ITSN2: variants seen among roughly 807,000 people sequenced by gnomAD.
The protein encoded by ITSN2 is intersectin 2.
Under a neutral mutation model 243.7 loss-of-function variants are expected in ITSN2, and 156 were observed. That is an observed-to-expected ratio of 0.64 (90% confidence interval 0.56 to 0.73). ITSN2 has a LOEUF of 0.73. Among genes scored for constraint, ITSN2 ranks in the 30% least tolerant of loss-of-function variants. The pLI is 0.00. For synonymous variants in ITSN2, 703 were observed against 699.9 expected, an observed-to-expected ratio of 1.00 and a Z score of -0.07; for missense variants, 1,801 against 1,996.1, an observed-to-expected ratio of 0.90 and a Z score of 1.86.
chr2:24,248,748 T>C lies in ITSN2; in HGVS notation c.3169A>G (p.Ile1057Val). 6.2e-7 allele frequency: 1 copy of C among 1,613,256 alleles called. No individual in the cohort carries two copies. The highest frequency in any genetic ancestry group is 1.1e-5 in the South Asian group (1 of 90,942). ...KSGASNKKPE[I>V]AQVTSAYVAS... ...ACATATGCTGAAGTTACCTGAGCAA[T>C]CTCTGAAAAGACAAAGAAGAAACTA... The change falls in exon 27 of 40, where the codon ATT becomes GTT. Residue 1057 changes from isoleucine (I) to valine (V), a missense_variant and splice_region_variant. Ile to Val is a conservative substitution (Grantham distance 29). Coordinates refer to ENST00000355123, the MANE Select transcript of ITSN2 (RefSeq NM_006277.3).
chr2:24,346,118 A>G (rs1297832480), intron 1 of ITSN2, among the ~76,000 whole-genome samples: 2 of 152,170 alleles, frequency 1.3e-5, no homozygotes, highest in African/African-American at 2.4e-5. Flanking sequence ...CCAGCCCACA[A>G]AGATGGAAAG....
chr2:24,239,435 C>T (rs1672498982), intron 29 of ITSN2: 1 of 151,838 alleles, frequency 6.6e-6, no homozygotes, highest in East Asian at 1.9e-4. Context: ...TTTAGAGAAA[C>T]TATATTATGG....
chr2:24,288,662 T>A (rs1679846150), intron 15 of ITSN2, among the ~76,000 whole-genome samples: 1 of 152,188 alleles, frequency 6.6e-6, no homozygotes, highest in Admixed American at 6.5e-5. Flanking sequence ...ATACTTACCA[T>A]TTTTGTGGTG....
Position 24,271,357 on chromosome 2 carries a change from G to T in ITSN2, c.2257+409C>A, listed in dbSNP as rs531107408. Among the ~76,000 whole-genome samples, 74 of 151,890 alleles carry T rather than the reference G, an allele frequency of 4.9e-4. 1 individual carries two copies. The highest frequency in any genetic ancestry group is 5.9e-4 in the Non-Finnish European group (40 of 67,970). On this transcript the variant is annotated intron_variant, in intron 19 of 39. Transcript: ENST00000355123. ...CTGTATCATTAATAATGATTCAAAG[G>T]GTTCATGTATCTAAAAGAGATACAA...
At chr2:24,345,259 T>TC (rs1214650460) in intron 1 of ITSN2, among the ~76,000 whole-genome samples, 5 of 152,140 alleles carry the variant, frequency 3.3e-5, no homozygotes, top group Admixed American at 1.3e-4. Flanking sequence ...CAGCCTTTTT[T>TC]CCCCTATGTT....
At chr2:24,284,251 G>A (rs929191155) in intron 17 of ITSN2, among the ~76,000 whole-genome samples, 1 of 152,156 alleles carries the variant, frequency 6.6e-6, no homozygotes, top group Non-Finnish European at 1.5e-5. Flanking sequence ...GTCTAAATAT[G>A]AGCCTGGTAA....
chr2:24,261,151 G>A lies in ITSN2; in HGVS notation c.2637C>T (p.Phe879=), dbSNP rs964913557. 4 of 1,613,848 alleles carry A rather than the reference G, an allele frequency of 2.5e-6. No individual in the cohort carries two copies. Among genetic ancestry groups the A allele is most frequent in the African/African-American group, 1.3e-5 (1 of 75,042 alleles). ...VNTSWQKKSA[F]TRTVSPGSVS... ...CAGATCCAGGGGACACAGTTCGAGT[G>A]AAGGCTGATTTTTTCTGCCATGATG... Residue 879 remains phenylalanine, a synonymous_variant, in exon 22 of 40, where the codon TTC becomes TTT. Coordinates refer to ENST00000355123, the MANE Select transcript of ITSN2 (RefSeq NM_006277.3).
At chr2:24,206,060 A>G (rs114670979) in intron 37 of ITSN2, among the ~76,000 whole-genome samples, 96 of 152,334 alleles carry the variant, frequency 6.3e-4, no homozygotes, top group African/African-American at 2.1e-3. Flanking sequence ...CGCACGGACG[A>G]TGCACAGCAA....
chr2:24,298,587 C>T (rs1338558832), intron 13 of ITSN2, 78 bp downstream of exon 13: 26 of 1,378,854 alleles, frequency 1.9e-5, no homozygotes, highest in Middle Eastern at 2.0e-4. Flanking sequence ...TGAGCCACCA[C>T]GCCTGGCCCA....
rs146682285 is a variant in ITSN2 at position 24,267,052 on chromosome 2, G to C, written c.2355+3619C>G. On this transcript the variant is annotated intron_variant, in intron 20 of 39. Coordinates refer to ENST00000355123, the MANE Select transcript of ITSN2 (RefSeq NM_006277.3). ...CCAAAGTATTTCAATGCTGCAAAAT[G>C]CTCAGCATTGTACCTGATTTAAATG... Among the ~76,000 whole-genome samples the C allele has an allele frequency of 1.9e-3, 295 of 152,264 alleles. 4 individuals are homozygous for C. The highest frequency in any genetic ancestry group is 0.014 in the Admixed American group (219 of 15,280).
intron 2 of ITSN2, chr2:24,326,747 C>T (rs1318709331): frequency 5.9e-6 from 1 of 169,000 alleles, no homozygotes; most frequent in Non-Finnish European, 1.5e-5. Flanking sequence ...GACACATGAC[C>T]TCACCACACA....
chr2:24,359,446 C>A (rs1022821895), intron 1 of ITSN2, among the ~76,000 whole-genome samples: 1 of 152,114 alleles, frequency 6.6e-6, no homozygotes, highest in African/African-American at 2.4e-5. Context: ...GGGTTGGCTC[C>A]ATCAAAAAAT....
chr2:24,206,150 C>T (rs1432532684), intron 37 of ITSN2: 6 of 327,024 alleles, frequency 1.8e-5, no homozygotes, highest in South Asian at 5.1e-5. Flanking sequence ...AGATCATATG[C>T]GTTATGAAAT....
At chr2:24,298,842 T>C in intron 12 of ITSN2, 28 bp from the exon 13 acceptor site, 1 of 1,569,230 alleles carries the variant, frequency 6.4e-7, no homozygotes, top group Non-Finnish European at 8.6e-7. Flanking sequence ...TTATACTTAA[T>C]TTTTAAATCA....
chr2:24,320,361 T>C (rs1228876771), intron 2 of ITSN2, among the ~76,000 whole-genome samples: 5 of 147,352 alleles, frequency 3.4e-5, no homozygotes, highest in Admixed American at 3.4e-4. Flanking sequence ...CTACTAAAAA[T>C]ACAAAAAATT....
chr2:24,302,869 A>G (rs970960479), intron 9 of ITSN2, among the ~76,000 whole-genome samples: 5 of 152,234 alleles, frequency 3.3e-5, no homozygotes, highest in African/African-American at 9.6e-5. Flanking sequence ...GCATAATGAC[A>G]TATCAGTCAA....
At chr2:24,256,941 TA>T (rs764974231) in intron 23 of ITSN2, among the ~76,000 whole-genome samples, 3 of 152,210 alleles carry the variant, frequency 2.0e-5, no homozygotes, top group African/African-American at 4.8e-5. Flanking sequence ...AGTAAAGAGT[TA>T]CTTAAATATT....
chr2:24,301,053 T>A, intron 11 of ITSN2, 101 bp downstream of exon 11: 4 of 646,996 alleles, frequency 6.2e-6, no homozygotes, highest in Non-Finnish European at 1.0e-5. Context: ...ATATAGCACA[T>A]CAAATATTAA....
intron 12 of ITSN2, among the ~76,000 whole-genome samples, chr2:24,299,533 A>T (rs1051606097): frequency 6.6e-6 from 1 of 152,228 alleles, no homozygotes; most frequent in Middle Eastern, 3.4e-3. Flanking sequence ...CCCAGCTCTC[A>T]TCTTTCTGTC....
Sources: gnomAD v4.1 joint callset for allele counts (sites outside exome capture counted in the v4.1 genomes callset) on GRCh38, gnomAD v4.1.1 for gene constraint, MANE v1.5 for transcripts, NCBI Gene and HGNC (gene_info 2026-07-23, HGNC 2026-07-21) for gene names.